NAV2: variants seen among roughly 807,000 people sequenced by gnomAD.
The protein encoded by NAV2 is helicase, APC down-regulated 1.
NAV2 carries 54 observed loss-of-function variants against 223.2 expected under a neutral mutation model. The ratio of observed to expected loss-of-function variants is 0.24; its 90% CI spans 0.19 to 0.30. The LOEUF is 0.30. Ranked by LOEUF, NAV2 falls within the 10% of genes least tolerant of loss-of-function variation. The pLI is 1.00. For missense variants in NAV2, 2,806 were observed against 3,147.5 expected (o/e 0.89, Z 2.60); for synonymous variants, 1,279 against 1,239.3 (o/e 1.03, Z -0.67).
chr11:19,359,689 T>C (rs1380572089), intron 1 of NAV2, among the ~76,000 whole-genome samples: 1 of 152,204 alleles, frequency 6.6e-6, no homozygotes, highest in Non-Finnish European at 1.5e-5. Flanking sequence ...ATGCTGTTAT[T>C]CTTTCCAAAA....
At chr11:19,943,369 G>A (rs897689094) in intron 8 of NAV2, among the ~76,000 whole-genome samples, 7 of 152,102 alleles carry the variant, frequency 4.6e-5, no homozygotes, top group African/African-American at 1.7e-4. Context: ...AAAGCACTGG[G>A]AGGGAAATGC....
intron 1 of NAV2, among the ~76,000 whole-genome samples, chr11:19,601,661 C>T (rs949201554): frequency 1.3e-5 from 2 of 152,062 alleles, no homozygotes; most frequent in South Asian, 2.1e-4. Flanking sequence ...ACATTGCTAT[C>T]GGTGACAGTG....
chr11:19,415,355 T>TAA (rs1401538350), intron 1 of NAV2, among the ~76,000 whole-genome samples: 1 of 152,148 alleles, frequency 6.6e-6, no homozygotes, highest in Admixed American at 6.5e-5. Flanking sequence ...AAGAAATAGA[T>TAA]AAATTCCTGA....
intron 1 of NAV2, among the ~76,000 whole-genome samples, chr11:19,765,143 G>A (rs1450210518): frequency 6.6e-6 from 1 of 152,152 alleles, no homozygotes; most frequent in African/African-American, 2.4e-5. Flanking sequence ...TGTTTGCTTA[G>A]GACCCTCCAG....
At chr11:20,105,748 AG>A (rs759492248) in intron 35 of NAV2, 21 bp downstream of exon 35, 2 of 1,595,578 alleles carry the variant, frequency 1.3e-6, no homozygotes, top group East Asian at 2.2e-5. Context: ...GACTGGGGTC[AG>A]GGGGGCGGGC....
intron 4 of NAV2, 32 bp from the exon 5 acceptor site, chr11:19,879,837 C>T: frequency 6.2e-7 from 1 of 1,613,510 alleles, no homozygotes. Flanking sequence ...AAGAGCTCCC[C>T]ATCTGACAAG....
chr11:19,575,008 A>T (rs1414688687), intron 1 of NAV2, among the ~76,000 whole-genome samples: 1 of 152,140 alleles, frequency 6.6e-6, no homozygotes, highest in East Asian at 1.9e-4. Flanking sequence ...TATACTTCCT[A>T]ATGGGAAGTG....
intron 1 of NAV2, among the ~76,000 whole-genome samples, chr11:19,451,071 T>G (rs1851773046): frequency 6.6e-6 from 1 of 152,190 alleles, no homozygotes; most frequent in South Asian, 2.1e-4. Flanking sequence ...CTTCCCATAA[T>G]ATACTGGCAT....
At chr11:19,365,000 T>C (rs973295573) in intron 1 of NAV2, among the ~76,000 whole-genome samples, 1 of 152,230 alleles carries the variant, frequency 6.6e-6, no homozygotes, top group Non-Finnish European at 1.5e-5. Context: ...AGCTTTCTTT[T>C]GAGGGAAAGA....
At chr11:19,373,917 A>G (rs573181972) in intron 1 of NAV2, among the ~76,000 whole-genome samples, 1 of 152,088 alleles carries the variant, frequency 6.6e-6, no homozygotes, top group African/African-American at 2.4e-5. Context: ...ACCCCATATC[A>G]CCTGCTTTTT....
intron 1 of NAV2, among the ~76,000 whole-genome samples, chr11:19,473,657 C>A (rs953393798): frequency 6.6e-6 from 1 of 152,030 alleles, no homozygotes; most frequent in South Asian, 2.1e-4. Flanking sequence ...AATGGAGTTG[C>A]TCTTCTGGCT....
chr11:19,566,311 C>A (rs1219566320), intron 1 of NAV2, among the ~76,000 whole-genome samples: 1 of 152,178 alleles, frequency 6.6e-6, no homozygotes, highest in African/African-American at 2.4e-5. Flanking sequence ...CTCCTGGTCT[C>A]AAGCAATTCA....
chr11:19,593,434 G>A (rs1036262437), intron 1 of NAV2, among the ~76,000 whole-genome samples: 1 of 152,174 alleles, frequency 6.6e-6, no homozygotes, highest in South Asian at 2.1e-4. Context: ...ACAGACCATG[G>A]TTTAACCAGG....
intron 13 of NAV2, among the ~76,000 whole-genome samples, chr11:20,044,517 G>A (rs1366069578): frequency 6.6e-6 from 1 of 152,194 alleles, no homozygotes; most frequent in Non-Finnish European, 1.5e-5. Flanking sequence ...CTAGACACTG[G>A]GTGAGTTAAT....
chr11:19,466,585 T>C (rs12805168), intron 1 of NAV2, among the ~76,000 whole-genome samples: 13,185 of 152,314 alleles, frequency 0.087, 659 homozygotes, highest in Admixed American at 0.13. Context: ...GAGACCGCTC[T>C]TCGACTCTTG....
intron 10 of NAV2, among the ~76,000 whole-genome samples, chr11:19,952,822 T>C (rs1389846607): frequency 1.3e-5 from 2 of 152,214 alleles, no homozygotes; most frequent in Non-Finnish European, 2.9e-5. Context: ...TATTACCATG[T>C]AGTTTAGCTA....
At chr11:20,098,006 C>T (rs894551991) in intron 31 of NAV2, among the ~76,000 whole-genome samples, 3 of 152,182 alleles carry the variant, frequency 2.0e-5, no homozygotes, top group African/African-American at 7.2e-5. Context: ...ATGATGGAAT[C>T]TTAATAACCC....
At chr11:19,841,048 CT>C (rs1433594127) in intron 2 of NAV2, among the ~76,000 whole-genome samples, 1 of 152,168 alleles carries the variant, frequency 6.6e-6, no homozygotes, top group Non-Finnish European at 1.5e-5. Flanking sequence ...CATGGCACCT[CT>C]TTTGGGAGCA....
At chr11:19,352,453 A>G (rs1446511103) in intron 1 of NAV2, among the ~76,000 whole-genome samples, 1 of 152,176 alleles carries the variant, frequency 6.6e-6, no homozygotes, top group East Asian at 1.9e-4. Flanking sequence ...CTAGGTGTAG[A>G]TGTCTGCATT....
Sources: gnomAD v4.1 joint callset for allele counts (sites outside exome capture counted in the v4.1 genomes callset) on GRCh38, gnomAD v4.1.1 for gene constraint, MANE v1.5 for transcripts, NCBI Gene and HGNC (gene_info 2026-07-23, HGNC 2026-07-21) for gene names.